The following LHPP variants were observed in gnomAD, a reference collection of about 807,000 sequenced individuals.
LHPP encodes hLHPP.
LHPP carries 24 observed loss-of-function variants against 30.3 expected under a neutral mutation model. The ratio of observed to expected loss-of-function variants is 0.79; its 90% CI spans 0.57 to 1.11. The LOEUF is 1.11. Among genes scored for constraint, LHPP ranks in the 50% most tolerant of loss-of-function variants. The probability of loss-of-function intolerance (pLI) is 0.00; values close to 1 mark genes in which losing one functional copy is unlikely to be tolerated. For missense variants in LHPP, 356 were observed against 367.2 expected (o/e 0.97, Z 0.25); for synonymous variants, 150 against 157.1 (o/e 0.95, Z 0.34).
intron 6 of LHPP, among the ~76,000 whole-genome samples, chr10:124,542,709 C>A (rs532774880): frequency 6.6e-5 from 10 of 152,278 alleles, no homozygotes; most frequent in Non-Finnish European, 1.0e-4. Flanking sequence ...TTCCCAGAAG[C>A]CCACCTCTCT....
chr10:124,473,826 C>T (rs1344030728), intron 1 of LHPP, among the ~76,000 whole-genome samples: 1 of 152,028 alleles, frequency 6.6e-6, no homozygotes, highest in African/African-American at 2.4e-5. Context: ...CAGTGGTTTG[C>T]ACCTCTAATA....
intron 6 of LHPP, among the ~76,000 whole-genome samples, chr10:124,528,607 C>T (rs1006358371): frequency 2.6e-5 from 4 of 152,238 alleles, no homozygotes; most frequent in Admixed American, 1.3e-4. Context: ...GATCTGCCCA[C>T]CTCAGCCTCC....
rs1954276276 is a variant in LHPP, at chr10:124,510,698, T to C, written c.625-6482T>C. ...GGAAGCATGGAGGTGTAGGATGACA[T>C]GTAATATTTGGAAGACCCATTGCAT... On this transcript the variant is annotated intron_variant, in intron 5 of 6. Transcript: ENST00000368842. The surrounding 1 kb of genome is among the most constrained non-coding windows in gnomAD (Gnocchi z 4.0). Among the ~76,000 whole-genome samples, 1 of 152,198 alleles carries C rather than the reference T, an allele frequency of 6.6e-6. No homozygotes were observed. Among genetic ancestry groups the C allele is most frequent in the South Asian group, 2.1e-4 (1 of 4,832 alleles).
intron 1 of LHPP, among the ~76,000 whole-genome samples, chr10:124,472,229 C>A (rs568714665): frequency 1.3e-5 from 2 of 152,254 alleles, no homozygotes; most frequent in South Asian, 4.1e-4. Context: ...GTGAGAATTG[C>A]TTGAACCCGA....
At chr10:124,491,665 C>T (rs1953534497) in intron 3 of LHPP, among the ~76,000 whole-genome samples, 2 of 152,218 alleles carry the variant, frequency 1.3e-5, no homozygotes, top group Non-Finnish European at 2.9e-5. Context: ...TGGCTCACGC[C>T]GGTAATCCCA....
intron 6 of LHPP, among the ~76,000 whole-genome samples, chr10:124,594,235 C>A (rs1290164684): frequency 7.2e-6 from 1 of 139,296 alleles, no homozygotes; most frequent in Non-Finnish European, 1.5e-5. Context: ...GAGGCGGAGG[C>A]AAGAGAATCA....
At chr10:124,566,203 G>A (rs1316453015) in intron 6 of LHPP, among the ~76,000 whole-genome samples, 2 of 152,240 alleles carry the variant, frequency 1.3e-5, no homozygotes, top group Non-Finnish European at 2.9e-5. Context: ...TGGAGACCGG[G>A]CGTGTGGTTA....
chr10:124,479,236 G>T (rs1953050660), intron 1 of LHPP, among the ~76,000 whole-genome samples: 1 of 152,160 alleles, frequency 6.6e-6, no homozygotes, highest in Non-Finnish European at 1.5e-5. Context: ...AAGGTTCTTG[G>T]GTGGTGGGGT....
At chr10:124,521,238 CCT>C (rs1954605398) in intron 6 of LHPP, among the ~76,000 whole-genome samples, 1 of 152,230 alleles carries the variant, frequency 6.6e-6, no homozygotes, top group Non-Finnish European at 1.5e-5. Flanking sequence ...CAGCACACAG[CCT>C]CTGGAGTCAG....
chr10:124,576,918 C>A lies in LHPP; in HGVS notation c.717-36346C>A, dbSNP rs562757237. 6.6e-6 allele frequency among the ~76,000 whole-genome samples: 1 copy of A among 152,188 alleles called. No individual in the cohort carries two copies. Among genetic ancestry groups the A allele is most frequent in the Non-Finnish European group, 1.5e-5 (1 of 68,040 alleles). On this transcript the variant is annotated intron_variant, in intron 6 of 6. Coordinates refer to ENST00000368842, the MANE Select transcript of LHPP (RefSeq NM_022126.4). This position sits in a 1 kb window ranked among gnomAD's most constrained non-coding sequence, Gnocchi z 4.2. ...TGTGCCACTGTCAAGGGGACTTGGCCCGCCATGATCCTGAGTGCACAGGTA... is the reference window on the plus strand; with the variant it reads ...TGTGCCACTGTCAAGGGGACTTGGCACGCCATGATCCTGAGTGCACAGGTA...
At chr10:124,605,469 G>C (rs1949079357) in intron 6 of LHPP, 1 of 152,360 alleles carries the variant, frequency 6.6e-6, no homozygotes, top group Non-Finnish European at 1.5e-5. Flanking sequence ...TCAGAAGAGA[G>C]AGCAACTCGC....
chr10:124,600,210 G>A (rs111408336), intron 6 of LHPP, among the ~76,000 whole-genome samples: 5 of 152,356 alleles, frequency 3.3e-5, no homozygotes, highest in African/African-American at 1.2e-4. Context: ...GCAGTGATGG[G>A]TCCCCTGTCA....
intron 1 of LHPP, among the ~76,000 whole-genome samples, chr10:124,469,347 G>A (rs1484410088): frequency 3.3e-5 from 5 of 152,004 alleles, no homozygotes; most frequent in Admixed American, 3.3e-4. Context: ...TGTGATGATG[G>A]GTCCTCCGAT....
intron 6 of LHPP, among the ~76,000 whole-genome samples, chr10:124,567,584 C>T (rs1280691424): frequency 7.9e-5 from 12 of 152,204 alleles, no homozygotes; most frequent in Non-Finnish European, 7.3e-5. Context: ...CCCCGAGTAA[C>T]CACAGGGCAA....
chr10:124,505,674 C>A (rs768571296), intron 5 of LHPP, among the ~76,000 whole-genome samples: 3 of 152,188 alleles, frequency 2.0e-5, no homozygotes, highest in Non-Finnish European at 4.4e-5. Context: ...CTAATTCTCA[C>A]GGTTTAAGCT....
rs972204804 is a variant in LHPP, at chr10:124,592,254, T to C, written c.717-21010T>C. Reference sequence around the variant, plus strand: ...CATCTCTCACCAGGAAGGCAAAACCTGGCAGATGGCACCCGGGCCTGATGG... The same window carrying C: ...CATCTCTCACCAGGAAGGCAAAACCCGGCAGATGGCACCCGGGCCTGATGG... On this transcript the variant is annotated intron_variant, in intron 6 of 6. Coordinates refer to ENST00000368842, the MANE Select transcript of LHPP (RefSeq NM_022126.4). The surrounding 1 kb of genome is among the most constrained non-coding windows in gnomAD (Gnocchi z 6.2). 6.6e-6 allele frequency among the ~76,000 whole-genome samples: 1 copy of C among 152,120 alleles called. No individual in the cohort carries two copies. Among genetic ancestry groups the C allele is most frequent in the African/African-American group, 2.4e-5 (1 of 41,424 alleles).
chr10:124,607,383 AAT>A (rs1215044460), intron 6 of LHPP, among the ~76,000 whole-genome samples: 1 of 152,260 alleles, frequency 6.6e-6, no homozygotes, highest in African/African-American at 2.4e-5. Context: ...AGCGTCACGT[AAT>A]TAAGACATAA....
In LHPP at chr10:124,592,380, G is replaced by A. The variant is rs950587238; in HGVS notation, c.717-20884G>A. 6.6e-6 allele frequency among the ~76,000 whole-genome samples: 1 copy of A among 152,190 alleles called. No homozygotes were observed. The highest frequency in any genetic ancestry group is 2.4e-5 in the African/African-American group (1 of 41,450). The stretch of plus-strand genomic sequence containing the variant: ...AGCTCTCGAACTGCAGCATACCCGA[G>A]CTCTTAAAGCACACTGGACCTAGGG... On this transcript the variant is annotated intron_variant, in intron 6 of 6. Transcript: ENST00000368842. The surrounding 1 kb of genome is among the most constrained non-coding windows in gnomAD (Gnocchi z 6.2).
rs1954669277 is a variant in LHPP, at chr10:124,523,941, T to C, written c.716+6670T>C. On this transcript the variant is annotated intron_variant, in intron 6 of 6. Transcript: ENST00000368842. The surrounding 1 kb of genome is among the most constrained non-coding windows in gnomAD (Gnocchi z 4.2). ...CCTGCCCGGGATAGAGGCTGTGGCT[T>C]CTGGTGTAGGTGGGCACTTCTGGGC... 6.6e-6 allele frequency among the ~76,000 whole-genome samples: 1 copy of C among 152,200 alleles called. No homozygotes were observed. Among genetic ancestry groups the C allele is most frequent in the Admixed American group, 6.5e-5 (1 of 15,278 alleles).
Sources: allele counts gnomAD v4.1 joint callset (sites outside exome capture counted in the v4.1 genomes callset), GRCh38; gene constraint gnomAD v4.1.1; non-coding constraint Gnocchi (gnomAD v3.1); transcripts MANE v1.5; gene names NCBI Gene and HGNC (gene_info 2026-07-23, HGNC 2026-07-21).